Variants in JAKMIP2 observed in about 807,000 individuals in gnomAD.
JAKMIP2 encodes the protein janus kinase and microtubule-interacting protein 2.
Under a neutral mutation model 115.0 loss-of-function variants are expected in JAKMIP2, and 25 were observed. The ratio of observed to expected loss-of-function variants is 0.22; its 90% CI spans 0.16 to 0.30. JAKMIP2 has a LOEUF of 0.30. Ranked by LOEUF, JAKMIP2 falls within the 10% of genes least tolerant of loss-of-function variation. The pLI is 1.00. For synonymous variants in JAKMIP2, 334 were observed against 343.6 expected, an observed-to-expected ratio of 0.97 and a Z score of 0.31; for missense variants, 642 against 957.6, an observed-to-expected ratio of 0.67 and a Z score of 4.35.
At position 147,782,664 on chromosome 5, in the gene JAKMIP2, GGCA is replaced by G. The variant is rs3840518; in HGVS notation, c.-360_-358del. 886 of 629,290 alleles carry G rather than the reference GGCA, an allele frequency of 1.4e-3. No individual in the cohort carries two copies. The highest frequency in any genetic ancestry group is 1.7e-3 in the Non-Finnish European group (586 of 345,312). The allele number at this position is 629,290 out of a possible 1,614,324, so 39.0% of individuals were successfully genotyped here. A position where few individuals can be genotyped will look rare whatever the true frequency, so the allele number is the denominator to read the frequency against. On this transcript the variant is annotated 5_prime_UTR_variant, in exon 1 of 22. Transcript: ENST00000616793. Reference sequence around the variant, plus strand: ...TATCAGCAATAGAGGCGGCGGCGGCGGCAGCAGCAGCAGCAGCAGCATCACCAG... The same window carrying G: ...TATCAGCAATAGAGGCGGCGGCGGCGGCAGCAGCAGCAGCAGCATCACCAG...
In JAKMIP2 at chr5:147,697,945, T is replaced by C. The variant is rs1265561543; in HGVS notation, c.-148-25991A>G. The stretch of plus-strand genomic sequence containing the variant: ...AGTGGAGCTGTGAGAAGAGGACCAC[T>C]GTCCTCCAGACCCCAGAATGGTAGA... On this transcript the variant is annotated intron_variant, in intron 1 of 21. Transcript: ENST00000616793. Among the ~76,000 whole-genome samples the C allele has an allele frequency of 2.6e-5, 4 of 152,198 alleles. 1 individual carries two copies. The highest frequency in any genetic ancestry group is 7.2e-5 in the African/African-American group (3 of 41,464).
At chr5:147,598,837 TG>T (rs1040156386) in intron 21 of JAKMIP2, among the ~76,000 whole-genome samples, 2 of 152,214 alleles carry the variant, frequency 1.3e-5, no homozygotes, top group Non-Finnish European at 2.9e-5. Flanking sequence ...TAATTTAGTA[TG>T]GAAAAAAATT....
At chr5:147,679,753 A>G (rs1358006360) in intron 1 of JAKMIP2, among the ~76,000 whole-genome samples, 3 of 152,358 alleles carry the variant, frequency 2.0e-5, no homozygotes, top group African/African-American at 7.2e-5. Context: ...ACAGTTAAGA[A>G]ATGGCAGAGC....
In JAKMIP2 at chr5:147,742,155, A is replaced by ATATATATATATATATATATATATTTTTT; in HGVS notation, c.-149+40300_-149+40301insAAAAAATATATATATATATATATATATA. On this transcript the variant is annotated intron_variant, in intron 1 of 21. Coordinates refer to ENST00000616793, the MANE Select transcript of JAKMIP2 (RefSeq NM_001270941.2). ...TGTGGATCATTATATATATATATAT[A>ATATATATATATATATATATATATTTTTT]TTTTTTTTACTATTGTATTGTATCT... is the stretch of plus-strand genomic sequence containing the variant. Among the ~76,000 whole-genome samples the ATATATATATATATATATATATATTTTTT allele has an allele frequency of 2.2e-4, 24 of 108,888 alleles. 2 individuals are homozygous for ATATATATATATATATATATATATTTTTT. Among genetic ancestry groups the ATATATATATATATATATATATATTTTTT allele is most frequent in the Admixed American group, 6.7e-4 (7 of 10,376 alleles). 71.4% of individuals were successfully genotyped at this position (108,888 alleles called of 152,430 possible).
chr5:147,772,913 T>C (rs1755417961), intron 1 of JAKMIP2, among the ~76,000 whole-genome samples: 1 of 152,048 alleles, frequency 6.6e-6, no homozygotes, highest in Non-Finnish European at 1.5e-5. Flanking sequence ...TGGATGAAAA[T>C]ACTCAGCGTA....
At chr5:147,779,236 G>A (rs1254246039) in intron 1 of JAKMIP2, among the ~76,000 whole-genome samples, 1 of 152,010 alleles carries the variant, frequency 6.6e-6, no homozygotes, top group Admixed American at 6.6e-5. Context: ...ATTACAAAGT[G>A]AGAAATTAAT....
chr5:147,629,868 T>C, intron 14 of JAKMIP2, 122 bp from the exon 15 acceptor site: 1 of 689,648 alleles, frequency 1.5e-6, no homozygotes, highest in African/African-American at 1.8e-5. Context: ...GTTTTCAATC[T>C]GGCACACCTA....
intron 1 of JAKMIP2, among the ~76,000 whole-genome samples, chr5:147,715,582 T>A (rs1286125274): frequency 6.6e-6 from 1 of 151,632 alleles, no homozygotes; most frequent in Non-Finnish European, 1.5e-5. Context: ...TAATTCATAA[T>A]GATAAAATTC....
chr5:147,678,153 G>A (rs1049264636), intron 1 of JAKMIP2, among the ~76,000 whole-genome samples: 11 of 152,020 alleles, frequency 7.2e-5, no homozygotes, highest in Non-Finnish European at 1.0e-4. Flanking sequence ...ACAGGCATGC[G>A]CCACCACTCT....
intron 1 of JAKMIP2, among the ~76,000 whole-genome samples, chr5:147,693,645 A>C (rs189183324): frequency 3.8e-4 from 57 of 150,104 alleles, no homozygotes; most frequent in Non-Finnish European, 4.9e-4. Context: ...GCACAAAATA[A>C]AATGTTACAA....
chr5:147,711,431 T>C (rs1455035113), intron 1 of JAKMIP2, among the ~76,000 whole-genome samples: 1 of 152,180 alleles, frequency 6.6e-6, no homozygotes. Flanking sequence ...TTGCCAGACC[T>C]TTCAATCAGG....
chr5:147,662,308 T>G (rs1759042537), intron 2 of JAKMIP2, among the ~76,000 whole-genome samples: 1 of 152,118 alleles, frequency 6.6e-6, no homozygotes, highest in African/African-American at 2.4e-5. Context: ...CCCTTTTCAC[T>G]CTCACTCCTC....
chr5:147,665,392 C>G (rs867290594), intron 2 of JAKMIP2, among the ~76,000 whole-genome samples: 1 of 152,110 alleles, frequency 6.6e-6, no homozygotes, highest in African/African-American at 2.4e-5. Flanking sequence ...TTAGAAACTA[C>G]GACAATTTAC....
intron 16 of JAKMIP2, among the ~76,000 whole-genome samples, chr5:147,624,476 G>A (rs1370475170): frequency 1.3e-5 from 2 of 152,150 alleles, no homozygotes; most frequent in Admixed American, 1.3e-4. Flanking sequence ...CTGGAGAATT[G>A]GGACAACGGT....
At chr5:147,697,402 A>T (rs1752148482) in intron 1 of JAKMIP2, among the ~76,000 whole-genome samples, 1 of 152,218 alleles carries the variant, frequency 6.6e-6, no homozygotes, top group Non-Finnish European at 1.5e-5. Context: ...TGGGAGATAA[A>T]ACTGAAGTTG....
At chr5:147,595,514 G>A (rs930256274) in intron 21 of JAKMIP2, 16 of 455,386 alleles carry the variant, frequency 3.5e-5, no homozygotes, top group African/African-American at 2.2e-4. Flanking sequence ...CTGGTGCCTC[G>A]ATCTTCAATT....
At position 147,641,760 on chromosome 5, in the gene JAKMIP2, C is replaced by A. The variant is rs750346564; in HGVS notation, c.1229G>T (p.Arg410Leu). The A allele has an allele frequency of 2.4e-5, 38 of 1,612,654 alleles. No individual in the cohort carries two copies. Among genetic ancestry groups the A allele is most frequent in the Non-Finnish European group, 3.1e-5 (37 of 1,178,892 alleles). ...CTTTCTTCTACGGATGAGCTTTTCT[C>A]GGTCCTGGAAAACAGATGAAAGATT... ...QNIIDELTRD[R>L]EKLIRRRKHR... The change falls in exon 8 of 22, where the codon CGA (arginine) becomes CTA (leucine). Residue 410 changes from arginine (R) to leucine (L), a missense_variant. By Grantham distance (102) the Arg-to-Leu change is moderately radical. Coordinates refer to ENST00000616793, the MANE Select transcript of JAKMIP2 (RefSeq NM_001270941.2).
intron 4 of JAKMIP2, among the ~76,000 whole-genome samples, chr5:147,649,068 A>G (rs1361335453): frequency 6.6e-6 from 1 of 152,224 alleles, no homozygotes; most frequent in African/African-American, 2.4e-5. Flanking sequence ...CTCCACTGGC[A>G]GAATGGCTGT....
At chr5:147,702,611 A>AGAAAGAAAGAAAGAAAGAAG (rs1752394695) in intron 1 of JAKMIP2, among the ~76,000 whole-genome samples, 1 of 33,424 alleles carries the variant, frequency 3.0e-5, no homozygotes, top group African/African-American at 9.6e-5. Flanking sequence ...AAGGAAAGAA[A>AGAAAGAAAGAAAGAAAGAAG]GAAAGAAAGA....
Sources: allele counts gnomAD v4.1 joint callset (sites outside exome capture counted in the v4.1 genomes callset), GRCh38; gene constraint gnomAD v4.1.1; transcripts MANE v1.5; gene names NCBI Gene and HGNC (gene_info 2026-07-23, HGNC 2026-07-21).